Variants in GALNT15 observed in about 807,000 individuals in gnomAD.
The protein encoded by GALNT15 is polypeptide N-acetylgalactosaminyltransferase 15, also known as UDP-GalNAc transferase T15.
In GALNT15, 67 loss-of-function variants were observed where a neutral mutation model predicts 66.8. The observed-to-expected ratio is 1.00, with a 90% CI of 0.82 to 1.23. The LOEUF (loss-of-function observed/expected upper bound fraction) is 1.23. Among genes scored for constraint, GALNT15 ranks in the 50% most tolerant of loss-of-function variants. GALNT15 has a pLI of 0.00. For synonymous variants in GALNT15, 313 were observed against 311.5 expected (o/e 1.00, Z -0.05); for missense variants, 827 against 804.3 (o/e 1.03, Z -0.34).
intron 9 of GALNT15, among the ~76,000 whole-genome samples, chr3:16,226,020 G>A (rs950643195): frequency 3.3e-5 from 5 of 150,898 alleles, no homozygotes; most frequent in Non-Finnish European, 5.9e-5. Context: ...CTGTACTCCC[G>A]CCTGGGTGAC....
At chr3:16,244,878 G>A in the GALNT15 span, among the ~76,000 whole-genome samples, 2 of 152,238 alleles carry the variant, frequency 1.3e-5, no homozygotes, top group South Asian at 2.1e-4. Context: ...GAAACCTCTG[G>A]TGCCTGTATC....
chr3:16,187,186 C>G lies in GALNT15; in HGVS notation c.540-8574C>G, dbSNP rs1200603297. Among the ~76,000 whole-genome samples the G allele has an allele frequency of 1.3e-5, 2 of 152,072 alleles. No homozygotes were observed. The highest frequency in any genetic ancestry group is 6.5e-5 in the Admixed American group (1 of 15,282). Reference sequence around the variant, plus strand: ...GGCTGAGGTGGGAGAATCGCCTGAACCTGGGAGGTGGAGGTTGCAGTGAGC... The same window carrying G: ...GGCTGAGGTGGGAGAATCGCCTGAAGCTGGGAGGTGGAGGTTGCAGTGAGC... On this transcript the variant is annotated intron_variant, in intron 1 of 9. Coordinates refer to ENST00000339732, the MANE Select transcript of GALNT15 (RefSeq NM_054110.5). The surrounding 1 kb of genome is among the most constrained non-coding windows in gnomAD (Gnocchi z 5.1).
At position 16,227,833 on chromosome 3, in the gene GALNT15, GCAC is replaced by G; in HGVS notation, c.*335_*337del. The G allele has an allele frequency of 6.5e-6, 7 of 1,072,460 alleles. No homozygotes were observed. In the South Asian group the frequency reaches 2.2e-4, roughly 34 times the overall value. 66.4% of individuals were successfully genotyped at this position (1,072,460 alleles called of 1,614,324 possible). ...TCTCTGGCCTGGACATTCTCTGGCA[GCAC>G]CTCCAGGATACATAAATTCAATGGA... On this transcript the variant is annotated 3_prime_UTR_variant, in exon 10 of 10. Transcript: ENST00000339732. This position sits in a 1 kb window ranked among gnomAD's most constrained non-coding sequence, Gnocchi z 4.5.
rs1416715544 is a variant in GALNT15, at chr3:16,195,795, C to T, written c.575C>T (p.Thr192Ile). The T allele has an allele frequency of 6.2e-7, 1 of 1,613,892 alleles. No homozygotes were observed. The highest frequency in any genetic ancestry group is 1.3e-5 in the African/African-American group (1 of 75,022). ...CAGCACCCTCAGGACAGCCTGCCCA[C>T]AGCCAGCGTCATCCTCTGTTTCCAT... The part of the protein sequence containing the change: ...LQQHPQDSLP[T>I]ASVILCFHDE... The change falls in exon 2 of 10, where the codon ACA (threonine) becomes ATA (isoleucine). Residue 192 changes from threonine to isoleucine, a missense_variant. By Grantham distance (89) the Thr-to-Ile change is moderately conservative (BLOSUM62 -1). Transcript: ENST00000339732. This position sits in a 1 kb window ranked among gnomAD's most constrained non-coding sequence, Gnocchi z 4.6.
In GALNT15 at chr3:16,186,858, TAGAC is replaced by T. The variant is rs1243938353; in HGVS notation, c.540-8899_540-8896del. ...TGGGGTGTTGAAAACGTTCTCAAAT[TAGAC>T]AGTGGTGATGGCTGCACACCTTTAT... On this transcript the variant is annotated intron_variant, in intron 1 of 9. Coordinates refer to ENST00000339732, the MANE Select transcript of GALNT15 (RefSeq NM_054110.5). The surrounding 1 kb of genome is among the most constrained non-coding windows in gnomAD (Gnocchi z 5.1). 6.6e-6 allele frequency among the ~76,000 whole-genome samples: 1 copy of T among 152,260 alleles called. No homozygotes were observed. Among genetic ancestry groups the T allele is most frequent in the Admixed American group, 6.5e-5 (1 of 15,296 alleles).
rs1444587000 is a variant in GALNT15 at position 16,219,904 on chromosome 3, T to G, written c.1525-6T>G. The G allele has an allele frequency of 9.9e-6, 16 of 1,611,652 alleles. No individual in the cohort carries two copies. The highest frequency in any genetic ancestry group is 1.3e-5 in the African/African-American group (1 of 74,852). On this transcript the variant is annotated splice_region_variant and splice_polypyrimidine_tract_variant and intron_variant, in intron 7 of 9. Transcript: ENST00000339732. This position sits in a 1 kb window ranked among gnomAD's most constrained non-coding sequence, Gnocchi z 4.3. ...AATTCACTCCTGTGTGTGTGTCCAC[T>G]TTCAGCTCCACAACACTGGACTTGG...
chr3:16,192,852 G>C (rs554727864), intron 1 of GALNT15, among the ~76,000 whole-genome samples: 39 of 152,312 alleles, frequency 2.6e-4, no homozygotes, highest in African/African-American at 8.7e-4. Context: ...TTTAAGAATG[G>C]TTCTCAGAAT....
chr3:16,203,983 A>C lies in GALNT15; in HGVS notation c.911+3160A>C, dbSNP rs2063730860. Among the ~76,000 whole-genome samples the C allele has an allele frequency of 6.6e-6, 1 of 152,096 alleles. No individual in the cohort carries two copies. The highest frequency in any genetic ancestry group is 2.4e-5 in the African/African-American group (1 of 41,408). On this transcript the variant is annotated intron_variant, in intron 3 of 9. Transcript: ENST00000339732. The surrounding 1 kb of genome is among the most constrained non-coding windows in gnomAD (Gnocchi z 6.2). ...CCCAGCTGTCTCCAAGGCTTGTGTC[A>C]GGAGACATTCTGTCACCAGATGAGG... is the stretch of plus-strand genomic sequence containing the variant.
chr3:16,177,520 G>A (rs768443683), intron 1 of GALNT15, among the ~76,000 whole-genome samples: 38 of 152,324 alleles, frequency 2.5e-4, no homozygotes, highest in East Asian at 1.4e-3. Context: ...CAGGTACTGC[G>A]TTATGTGGTG....
At chr3:16,233,597 T>G (rs2064106072), downstream of GALNT15, among the ~76,000 whole-genome samples, 3 of 152,134 alleles carry the variant, frequency 2.0e-5, no homozygotes, top group Admixed American at 2.0e-4. Context: ...TCCCCAACTT[T>G]CCTCTACTTC....
chr3:16,232,383 T>C (rs1258112593), downstream of GALNT15, among the ~76,000 whole-genome samples: 1 of 148,584 alleles, frequency 6.7e-6, no homozygotes, highest in African/African-American at 2.5e-5. Flanking sequence ...CTGAGCAACA[T>C]AGTAAGACCC....
intron 2 of GALNT15, 143 bp downstream of exon 2, chr3:16,196,069 T>A: frequency 1.3e-6 from 1 of 783,602 alleles, no homozygotes; most frequent in Non-Finnish European, 2.0e-6. Context: ...AATGGGCAAG[T>A]AACTTATGAA....
At chr3:16,210,500 A>G (rs887726524) in intron 4 of GALNT15, among the ~76,000 whole-genome samples, 6 of 152,094 alleles carry the variant, frequency 3.9e-5, no homozygotes, top group African/African-American at 1.4e-4. Context: ...ACCCTTTTTC[A>G]AAAACCCTCT....
rs1287461157 is a variant in GALNT15, at chr3:16,209,575, TG to T, written c.1079+908del. Among the ~76,000 whole-genome samples, 1 of 152,158 alleles carries T rather than the reference TG, an allele frequency of 6.6e-6. No homozygotes were observed. The highest frequency in any genetic ancestry group is 1.9e-4 in the East Asian group (1 of 5,194). ...ACTCATGCCTGTAATCCTAGCACTT[TG>T]GGAGGCAGAGGCGGGCTGATCACTC... is the stretch of plus-strand genomic sequence containing the variant. On this transcript the variant is annotated intron_variant, in intron 4 of 9. Coordinates refer to ENST00000339732, the MANE Select transcript of GALNT15 (RefSeq NM_054110.5). The surrounding 1 kb of genome is among the most constrained non-coding windows in gnomAD (Gnocchi z 4.1).
rs1293579537 is a variant in GALNT15 at position 16,176,601 on chromosome 3, C to T, written c.539+911C>T. Among the ~76,000 whole-genome samples, 1 of 152,220 alleles carries T rather than the reference C, an allele frequency of 6.6e-6. No individual in the cohort carries two copies. Among genetic ancestry groups the T allele is most frequent in the Non-Finnish European group, 1.5e-5 (1 of 68,034 alleles). ...GAGATGCTGGCCCATCCTCCACACC[C>T]CCTGCTCCCTTACTGTCACCATGGC... On this transcript the variant is annotated intron_variant, in intron 1 of 9. Coordinates refer to ENST00000339732, the MANE Select transcript of GALNT15 (RefSeq NM_054110.5). The surrounding 1 kb of genome is among the most constrained non-coding windows in gnomAD (Gnocchi z 5.6).
In GALNT15 at chr3:16,227,438, T is replaced by A. The variant is rs1445825846; in HGVS notation, c.1858T>A (p.Cys620Ser). The change falls in exon 10 of 10, where the codon TGT becomes AGT. Residue 620 changes from cysteine (C) to serine (S), a missense_variant. Physicochemically the swap from Cys to Ser is moderately radical, Grantham distance 112. Transcript: ENST00000339732. This position sits in a 1 kb window ranked among gnomAD's most constrained non-coding sequence, Gnocchi z 4.5. ...ENNKDLYLRP[C>S]DGKARQQWRF... The stretch of plus-strand genomic sequence containing the variant: ...CAATAAAGATTTGTACCTGCGTCCG[T>A]GTGATGGAAAAGCCCGCCAGCAGTG... The A allele has an allele frequency of 6.2e-6, 10 of 1,614,022 alleles. No homozygotes were observed. The highest frequency in any genetic ancestry group is 8.5e-6 in the Non-Finnish European group (10 of 1,180,012).
At position 16,189,951 on chromosome 3, in the gene GALNT15, G is replaced by C. The variant is rs1574973467; in HGVS notation, c.540-5809G>C. 1.3e-5 allele frequency among the ~76,000 whole-genome samples: 2 copies of C among 152,310 alleles called. No homozygotes were observed. Among genetic ancestry groups the C allele is most frequent in the South Asian group, 4.1e-4 (2 of 4,822 alleles). ...TCAGAGAGCTTATGGTACTTGCCCA[G>C]GTCACATAAGGACAGACTGGGATTT... On this transcript the variant is annotated intron_variant, in intron 1 of 9. Coordinates refer to ENST00000339732, the MANE Select transcript of GALNT15 (RefSeq NM_054110.5). This position sits in a 1 kb window ranked among gnomAD's most constrained non-coding sequence, Gnocchi z 5.1.
chr3:16,205,629 C>T (rs1041120537), intron 3 of GALNT15, among the ~76,000 whole-genome samples: 13 of 152,192 alleles, frequency 8.5e-5, no homozygotes, highest in South Asian at 2.1e-4. Flanking sequence ...TTTTGCTTGA[C>T]GTGAATTCCA....
Position 16,195,527 on chromosome 3 carries a change from G to A in GALNT15, c.540-233G>A, listed in dbSNP as rs1002514993. Among the ~76,000 whole-genome samples, 5 of 152,332 alleles carry A rather than the reference G, an allele frequency of 3.3e-5. No homozygotes were observed. The highest frequency in any genetic ancestry group is 7.3e-5 in the Non-Finnish European group (5 of 68,040). Reference sequence around the variant, plus strand: ...GCAACGCTTCTCAATTGCAATGAGAGGGACTTTGGATTAAATGATAAAGGA... The same window carrying A: ...GCAACGCTTCTCAATTGCAATGAGAAGGACTTTGGATTAAATGATAAAGGA... On this transcript the variant is annotated intron_variant, in intron 1 of 9. Coordinates refer to ENST00000339732, the MANE Select transcript of GALNT15 (RefSeq NM_054110.5). This position sits in a 1 kb window ranked among gnomAD's most constrained non-coding sequence, Gnocchi z 4.6.
Sources: gnomAD v4.1 joint callset for allele counts (sites outside exome capture counted in the v4.1 genomes callset) on GRCh38, gnomAD v4.1.1 for gene constraint, Gnocchi (gnomAD v3.1) non-coding constraint, MANE v1.5 for transcripts, NCBI Gene and HGNC (gene_info 2026-07-23, HGNC 2026-07-21) for gene names.